LARS2: variants seen among roughly 807,000 people sequenced by gnomAD.
LARS2 encodes leucyl-tRNA synthetase 2, mitochondrial.
A neutral mutation model predicts 116.6 loss-of-function variants in LARS2; 81 were observed. That is an observed-to-expected ratio of 0.69 (90% CI 0.58 to 0.84). The LOEUF (loss-of-function observed/expected upper bound fraction) is 0.84. Ranked by LOEUF, LARS2 falls within the 40% of genes least tolerant of loss-of-function variation. LARS2 has a pLI of 0.00. For missense variants in LARS2, 968 were observed against 1,114.5 expected (o/e 0.87, Z 1.87); for synonymous variants, 396 against 407.2 (o/e 0.97, Z 0.33).
intron 4 of LARS2, among the ~76,000 whole-genome samples, chr3:45,417,258 AC>A (rs917450786): frequency 1.3e-5 from 2 of 152,076 alleles, no homozygotes; most frequent in Non-Finnish European, 2.9e-5. Context: ...TCATGAAAAC[AC>A]CTCCTCAGAG....
At chr3:45,418,655 G>C (rs1208320170) in intron 5 of LARS2, among the ~76,000 whole-genome samples, 1 of 152,190 alleles carries the variant, frequency 6.6e-6, no homozygotes, top group Non-Finnish European at 1.5e-5. Flanking sequence ...GCTTCCGTGA[G>C]ACAGTGGCAG....
At chr3:45,527,347 G>T (rs921826190) in intron 20 of LARS2, among the ~76,000 whole-genome samples, 2 of 152,134 alleles carry the variant, frequency 1.3e-5, no homozygotes, top group Non-Finnish European at 2.9e-5. Context: ...TTATCTTGCC[G>T]GGCGCGGTGG....
chr3:45,417,988 C>T (rs1332136174), intron 5 of LARS2, among the ~76,000 whole-genome samples: 1 of 152,140 alleles, frequency 6.6e-6, no homozygotes, highest in Non-Finnish European at 1.5e-5. Flanking sequence ...TTGCCTTCAC[C>T]ATTCAGAAGC....
intron 20 of LARS2, 116 bp from the exon 21 acceptor site, chr3:45,541,713 A>G: frequency 7.4e-7 from 1 of 1,344,640 alleles, no homozygotes; most frequent in Non-Finnish European, 1.0e-6. Flanking sequence ...CTGGCTTCCC[A>G]CCGGCTCCTC....
chr3:45,474,346 TA>T lies in LARS2; in HGVS notation c.857del (p.Lys286ArgfsTer11), dbSNP rs1397737599. ...GTGGGCTGCCACCTGGACTTCACAT[TA>T]AAGGTGATTAAGTAATAGCAGCTCC... ...DCVGCHLDFT[L>X]KVHGQATGEK... On this transcript the variant is annotated frameshift_variant, in exon 9 of 22. Transcript: ENST00000645846. LOFTEE classifies it high-confidence loss of function. 6.3e-7 allele frequency: 1 copy of T among 1,582,856 alleles called. No homozygotes were observed. The highest frequency in any genetic ancestry group is 2.3e-5 in the East Asian group (1 of 44,266).
At chr3:45,488,837 A>G in intron 12 of LARS2, 25 bp downstream of exon 12, 1 of 1,366,522 alleles carries the variant, frequency 7.3e-7, no homozygotes, top group Non-Finnish European at 1.0e-6. Context: ...ACTTACTTCC[A>G]GAATGATCAC....
intron 8 of LARS2, among the ~76,000 whole-genome samples, chr3:45,469,591 G>A (rs973103478): frequency 9.2e-5 from 14 of 151,980 alleles, no homozygotes; most frequent in Non-Finnish European, 2.9e-5. Flanking sequence ...TGATCCGCCC[G>A]CCTCGGCCTC....
At chr3:45,453,818 C>G (rs556573727) in intron 7 of LARS2, among the ~76,000 whole-genome samples, 160 of 151,784 alleles carry the variant, frequency 1.1e-3, no homozygotes, top group African/African-American at 3.8e-3. Context: ...CCTTCTGGAA[C>G]CTGAAGCTGA....
chr3:45,477,821 C>A (rs892701620), intron 10 of LARS2, among the ~76,000 whole-genome samples: 12 of 152,148 alleles, frequency 7.9e-5, no homozygotes, highest in African/African-American at 2.9e-4. Context: ...TCTGAAATGA[C>A]CAGAATGAAA....
chr3:45,389,565 C>T (rs935237146), intron 1 of LARS2, among the ~76,000 whole-genome samples: 1 of 152,220 alleles, frequency 6.6e-6, no homozygotes, highest in African/African-American at 2.4e-5. Context: ...AAACCTTCAC[C>T]TTAAGCTCCA....
chr3:45,529,614 T>C (rs1700585011), intron 20 of LARS2, among the ~76,000 whole-genome samples: 1 of 151,044 alleles, frequency 6.6e-6, no homozygotes, highest in Non-Finnish European at 1.5e-5. Flanking sequence ...TAAGAACACA[T>C]AACTAACTGT....
At chr3:45,452,385 T>C (rs1575264187) in intron 7 of LARS2, among the ~76,000 whole-genome samples, 1 of 67,440 alleles carries the variant, frequency 1.5e-5, no homozygotes, top group South Asian at 5.5e-4. Context: ...TGTTGAGGTA[T>C]TTTTTTTTTT....
intron 4 of LARS2, among the ~76,000 whole-genome samples, chr3:45,401,750 G>A (rs551079951): frequency 6.6e-6 from 1 of 151,988 alleles, no homozygotes; most frequent in Admixed American, 6.6e-5. Flanking sequence ...AAGTAGCTGG[G>A]ACTATAGGTG....
chr3:45,468,218 C>G lies in LARS2; in HGVS notation c.751-6025C>G, dbSNP rs1015817896. On this transcript the variant is annotated intron_variant, in intron 8 of 21. Coordinates refer to ENST00000645846, the MANE Select transcript of LARS2 (RefSeq NM_015340.4). ...CCTGAGTGTCTTAGAAAGGGATGGT[C>G]TTATGTTCTTGCAAATATTCAATCT... 5.3e-5 allele frequency among the ~76,000 whole-genome samples: 8 copies of G among 152,230 alleles called. No homozygotes were observed. In the South Asian group the frequency reaches 8.3e-4, roughly 16 times the overall value.
chr3:45,541,340 G>C (rs1207383591), intron 20 of LARS2, among the ~76,000 whole-genome samples: 1 of 152,114 alleles, frequency 6.6e-6, no homozygotes, highest in Non-Finnish European at 1.5e-5. Context: ...GGAAGGTTAG[G>C]ATCCCCCTGC....
In LARS2 at chr3:45,517,952, G is replaced by T; in HGVS notation, c.2094G>T (p.Leu698Phe). The part of the protein sequence containing the change: ...VLRWQQRLWT[L>F]TTRFIEARAS... ...GATGGCAACAACGACTGTGGACCTT[G>T]ACAACTCGGTTTATTGAGGCCAGGG... Residue 698 changes from leucine to phenylalanine, a missense_variant, in exon 18 of 22, where the codon TTG (leucine) becomes TTT (phenylalanine). Transcript: ENST00000645846. 1 of 1,614,110 alleles carries T rather than the reference G, an allele frequency of 6.2e-7. No individual in the cohort carries two copies. The highest frequency in any genetic ancestry group is 1.1e-5 in the South Asian group (1 of 91,062).
intron 21 of LARS2, among the ~76,000 whole-genome samples, chr3:45,543,946 G>C (rs1700836607): frequency 6.6e-6 from 1 of 152,182 alleles, no homozygotes; most frequent in Admixed American, 6.5e-5. Flanking sequence ...TTGATCGTTG[G>C]TAAAAATAAT....
chr3:45,469,097 C>T (rs918748247), intron 8 of LARS2, among the ~76,000 whole-genome samples: 29 of 152,240 alleles, frequency 1.9e-4, no homozygotes, highest in African/African-American at 4.8e-4. Flanking sequence ...TGCCTTGCTC[C>T]GAATGGATTA....
intron 20 of LARS2, among the ~76,000 whole-genome samples, chr3:45,537,917 G>C (rs1035381633): frequency 1.3e-5 from 2 of 152,204 alleles, no homozygotes; most frequent in African/African-American, 4.8e-5. Flanking sequence ...GGGGAAGGAA[G>C]GGGGTGGGCT....
Sources: gnomAD v4.1 joint callset for allele counts (sites outside exome capture counted in the v4.1 genomes callset) on GRCh38, gnomAD v4.1.1 for gene constraint, MANE v1.5 for transcripts, NCBI Gene and HGNC (gene_info 2026-07-23, HGNC 2026-07-21) for gene names.